Variants in ZNF677 observed in about 807,000 individuals in gnomAD.
The protein encoded by ZNF677 is hypothetical protein MGC48625.
Under a neutral mutation model 8.1 loss-of-function variants are expected in ZNF677, and 5 were observed. The observed-to-expected ratio is 0.62, with a 90% CI of 0.32 to 1.29. The LOEUF (loss-of-function observed/expected upper bound fraction) is 1.29. Among genes scored for constraint, ZNF677 ranks in the 50% most tolerant of loss-of-function variants. ZNF677 has a pLI of 0.05. For synonymous variants in ZNF677, 221 were observed against 225.6 expected (o/e 0.98, Z 0.18); for missense variants, 685 against 685.9 (o/e 1.00, Z 0.01).
chr19:53,237,322 T>C lies in ZNF677; in HGVS notation c.1405A>G (p.Ile469Val), dbSNP rs764864471. 1.9e-6 allele frequency: 3 copies of C among 1,613,824 alleles called. No individual in the cohort carries two copies. Among genetic ancestry groups the C allele is most frequent in the Admixed American group, 1.7e-5 (1 of 59,998 alleles). The change falls in exon 5 of 5, where the codon ATC (isoleucine) becomes GTC (valine). Residue 469 changes from isoleucine (I) to valine (V), a missense_variant. Physicochemically the swap from Ile to Val is conservative, Grantham distance 29. Coordinates refer to ENST00000598513, the MANE Select transcript of ZNF677 (RefSeq NM_182609.4). ...TGACCCCAAAGGTGTGAACGTTTGA[T>C]AAAAGCTTTATCACATTTATTACAT... The part of the protein sequence containing the change: ...YKCNKCDKAF[I>V]KRSHLWGHQR...
intron 4 of ZNF677, chr19:53,243,227 C>T (rs2965223): frequency 0.72 from 114,178 of 158,102 alleles, 41,614 homozygotes; most frequent in African/African-American, 0.81. Context: ...AAAATGAACA[C>T]AATATTCAGC....
intron 4 of ZNF677, chr19:53,241,566 C>T: frequency 5.8e-6 from 2 of 343,400 alleles, no homozygotes; most frequent in East Asian, 4.3e-5. Context: ...AACTCCTACA[C>T]CTTGTACTGC....
Position 53,237,014 on chromosome 19 carries a change from G to T in ZNF677, c.1713C>A (p.Ile571=), listed in dbSNP as rs919408168. Residue 571 remains isoleucine, a synonymous_variant, in exon 5 of 5, where the codon ATC becomes ATA. Coordinates refer to ENST00000598513, the MANE Select transcript of ZNF677 (RefSeq NM_182609.4). ...ACTTAATTTTTGTCTCATTATATTTGATATGTTTTTCTCTATTATAACTTT... is the reference window on the plus strand; with the variant it reads ...ACTTAATTTTTGTCTCATTATATTTTATATGTTTTTCTCTATTATAACTTT... ...HQKSYNREKH[I]KYNETKIKYS... 3.0e-5 allele frequency: 48 copies of T among 1,590,806 alleles called. No individual in the cohort carries two copies. Among genetic ancestry groups the T allele is most frequent in the Non-Finnish European group, 6.8e-6 (8 of 1,171,714 alleles).
At chr19:53,253,709 A>ATAAAT (rs199981554) in intron 1 of ZNF677, among the ~76,000 whole-genome samples, 1 of 152,126 alleles carries the variant, frequency 6.6e-6, no homozygotes, top group Admixed American at 6.5e-5. Flanking sequence ...AAATAAATAA[A>ATAAAT]AGAAAGCAAA....
rs1189835723 is a variant in ZNF677 at position 53,236,918 on chromosome 19, G to C, written c.*54C>G. The C allele has an allele frequency of 4.7e-6, 7 of 1,480,482 alleles. No homozygotes were observed. In the Admixed American group the frequency reaches 1.7e-4, roughly 36 times the overall value. The allele number at this position is 1,480,482 out of a possible 1,614,324, so 91.7% of individuals were successfully genotyped here. A position where few individuals can be genotyped will look rare whatever the true frequency, so the allele number is the denominator to read the frequency against. ...AGTGAGACATAAGCCATAGCTAAAG[G>C]CTTTACCACATTTTCGTTTTATATG... is the stretch of plus-strand genomic sequence containing the variant. On this transcript the variant is annotated 3_prime_UTR_variant, in exon 5 of 5. Coordinates refer to ENST00000598513, the MANE Select transcript of ZNF677 (RefSeq NM_182609.4).
At chr19:53,245,463 A>G (rs902358408) in intron 3 of ZNF677, among the ~76,000 whole-genome samples, 2 of 152,224 alleles carry the variant, frequency 1.3e-5, no homozygotes, top group African/African-American at 4.8e-5. Context: ...AAAAATGGGC[A>G]AAAGAGCTGA....
intron 3 of ZNF677, among the ~76,000 whole-genome samples, chr19:53,250,322 A>G (rs951179566): frequency 1.3e-5 from 2 of 152,338 alleles, no homozygotes; most frequent in African/African-American, 4.8e-5. Context: ...CGAAAAACAG[A>G]ATTACCATTC....
intron 4 of ZNF677, 110 bp downstream of exon 4, chr19:53,243,634 C>T (rs1411325450): frequency 1.4e-6 from 2 of 1,455,646 alleles, no homozygotes; most frequent in African/African-American, 2.8e-5. Context: ...CACTCTCAAT[C>T]AAAAAGTTTC....
At chr19:53,247,427 A>C (rs1246613896) in intron 3 of ZNF677, among the ~76,000 whole-genome samples, 2 of 152,174 alleles carry the variant, frequency 1.3e-5, no homozygotes, top group Non-Finnish European at 2.9e-5. Context: ...TGTTTTAAGA[A>C]AGTTTAAAAA....
At position 53,237,535 on chromosome 19, in the gene ZNF677, T is replaced by C; in HGVS notation, c.1192A>G (p.Thr398Ala). 1.2e-6 allele frequency: 2 copies of C among 1,613,306 alleles called. No individual in the cohort carries two copies. The highest frequency in any genetic ancestry group is 1.7e-6 in the Non-Finnish European group (2 of 1,179,750). ...SSLTQHKRIH[T>A]GEKPYICNEC... ...TTACATATGTAAGGCTTCTCTCCAGTATGGATTCTCTTATGTTGGGTAAGG... is the reference window on the plus strand; with the variant it reads ...TTACATATGTAAGGCTTCTCTCCAGCATGGATTCTCTTATGTTGGGTAAGG... The change falls in exon 5 of 5, where the codon ACT becomes GCT. Residue 398 changes from threonine (T) to alanine (A), a missense_variant. Coordinates refer to ENST00000598513, the MANE Select transcript of ZNF677 (RefSeq NM_182609.4).
chr19:53,242,701 T>C (rs376067355), intron 4 of ZNF677: 11 of 309,592 alleles, frequency 3.6e-5, no homozygotes, highest in East Asian at 2.5e-4. Context: ...TTCTTGCAGG[T>C]ATAAGAAATA....
intron 3 of ZNF677, among the ~76,000 whole-genome samples, chr19:53,245,378 C>T (rs938727358): frequency 3.9e-5 from 6 of 152,022 alleles, no homozygotes; most frequent in Admixed American, 2.0e-4. Flanking sequence ...AACTATATAT[C>T]TGAAAAGGGG....
In ZNF677 at chr19:53,238,177, C is replaced by G. The variant is rs763493019; in HGVS notation, c.550G>C (p.Val184Leu). Residue 184 changes from valine (V) to leucine (L), a missense_variant, in exon 5 of 5, where the codon GTG becomes CTG. Physicochemically the swap from Val to Leu is conservative, Grantham distance 32. Coordinates refer to ENST00000598513, the MANE Select transcript of ZNF677 (RefSeq NM_182609.4). ...CCAATTTTATTTTCAAAACACTTCACGTATTTGTTTCCGGCATACCTTATG... is the reference window on the plus strand; with the variant it reads ...CCAATTTTATTTTCAAAACACTTCAGGTATTTGTTTCCGGCATACCTTATG... ...NNIRYAGNKY[V>L]KCFENKIGLS... The G allele has an allele frequency of 1.9e-6, 3 of 1,613,484 alleles. No homozygotes were observed. The highest frequency in any genetic ancestry group is 2.5e-6 in the Non-Finnish European group (3 of 1,179,790).
chr19:53,237,860 T>C lies in ZNF677; in HGVS notation c.867A>G (p.Arg289=). 3.1e-6 allele frequency: 5 copies of C among 1,613,826 alleles called. No homozygotes were observed. The highest frequency in any genetic ancestry group is 4.2e-6 in the Non-Finnish European group (5 of 1,179,992). The change falls in exon 5 of 5, where the codon AGA becomes AGG. Residue 289 remains arginine, a synonymous_variant. Coordinates refer to ENST00000598513, the MANE Select transcript of ZNF677 (RefSeq NM_182609.4). ...TGCCACACTCGTTACATTTGTAAGG[T>C]CTCTGTCCAGAGTGAATTCTCTGAT... ...TNHQRIHSGQ[R]PYKCNECGKA...
At chr19:53,250,668 C>T (rs2091220195) in intron 3 of ZNF677, among the ~76,000 whole-genome samples, 2 of 152,106 alleles carry the variant, frequency 1.3e-5, no homozygotes, top group African/African-American at 4.8e-5. Flanking sequence ...TGGAGCCTAT[C>T]AGGGATGGAG....
Position 53,235,596 on chromosome 19 carries a change from A to G in ZNF677, c.*1376T>C, listed in dbSNP as rs2090966374. ...CTATCTATGTTCAATAATCTGTGAT[A>G]TGCAACAGTAACTACCTTTCAAGAG... On this transcript the variant is annotated 3_prime_UTR_variant, in exon 5 of 5. Transcript: ENST00000598513. 1 of 152,156 alleles carries G rather than the reference A, an allele frequency of 6.6e-6. No individual in the cohort carries two copies. Among genetic ancestry groups the G allele is most frequent in the African/African-American group, 2.4e-5 (1 of 41,432 alleles). 9.4% of individuals were successfully genotyped at this position (152,156 alleles called of 1,614,324 possible).
At position 53,238,202 on chromosome 19, in the gene ZNF677, GTTAT is replaced by G; in HGVS notation, c.521_524del (p.Asn174ThrfsTer2). On this transcript the variant is annotated frameshift_variant, in exon 5 of 5. Coordinates refer to ENST00000598513, the MANE Select transcript of ZNF677 (RefSeq NM_182609.4). LOFTEE classifies it low-confidence loss of function (END_TRUNC). Reference sequence around the variant, plus strand: ...CGTATTTGTTTCCGGCATACCTTATGTTATTTTTCAGTTTTAACAAATTCCTTAT... The same window carrying G: ...CGTATTTGTTTCCGGCATACCTTATGTTTTCAGTTTTAACAAATTCCTTAT... 6.2e-7 allele frequency: 1 copy of G among 1,613,734 alleles called. No homozygotes were observed. The highest frequency in any genetic ancestry group is 8.5e-7 in the Non-Finnish European group (1 of 1,179,890).
chr19:53,238,399 A>G lies in ZNF677; in HGVS notation c.328T>C (p.Trp110Arg). ...WENMPKFDSL[W>R]DYDVKNYKGM... ...TTGTAATTTTTTACATCATAGTCCC[A>G]CAGGCTGTCAAACTTAGGCATATTT... Residue 110 changes from tryptophan to arginine, a missense_variant, in exon 5 of 5, where the codon TGG becomes CGG. Coordinates refer to ENST00000598513, the MANE Select transcript of ZNF677 (RefSeq NM_182609.4). The G allele has an allele frequency of 6.2e-7, 1 of 1,613,986 alleles. No individual in the cohort carries two copies. The highest frequency in any genetic ancestry group is 1.1e-5 in the South Asian group (1 of 91,056).
chr19:53,252,190 A>C (rs1363270562), intron 2 of ZNF677, among the ~76,000 whole-genome samples: 1 of 152,174 alleles, frequency 6.6e-6, no homozygotes, highest in Non-Finnish European at 1.5e-5. Flanking sequence ...AGTAGTTTCC[A>C]TCATTTTTGG....
Sources: allele counts gnomAD v4.1 joint callset (sites outside exome capture counted in the v4.1 genomes callset), GRCh38; gene constraint gnomAD v4.1.1; transcripts MANE v1.5; gene names NCBI Gene and HGNC (gene_info 2026-07-23, HGNC 2026-07-21).